The following DISC1 variants were observed in gnomAD, a reference collection of about 807,000 sequenced individuals.
The protein encoded by DISC1 is DISC1 scaffold protein, also known as disrupted in schizophrenia 1 protein.
DISC1 carries 57 observed loss-of-function variants against 84.5 expected under a neutral mutation model. That is an observed-to-expected ratio of 0.67 (90% confidence interval 0.55 to 0.84). The LOEUF (loss-of-function observed/expected upper bound fraction) is 0.84, where lower values mean the gene tolerates loss of function less well. DISC1 is among the 40% of genes least tolerant of loss of function. The pLI is 0.00. For missense variants in DISC1, 1,000 were observed against 1,057.8 expected (o/e 0.95, Z 0.76); for synonymous variants, 411 against 415.2 (o/e 0.99, Z 0.12).
intron 10 of DISC1, among the ~76,000 whole-genome samples, chr1:232,001,103 T>C (rs2480416): frequency 0.29 from 43,656 of 151,818 alleles, 6,524 homozygotes; most frequent in African/African-American, 0.34. Context: ...ATTTTTGAGA[T>C]AGAGTCTCAC....
At chr1:231,695,678 A>T (rs2065591784) in intron 2 of DISC1, among the ~76,000 whole-genome samples, 2 of 151,752 alleles carry the variant, frequency 1.3e-5, no homozygotes, top group African/African-American at 4.8e-5. Flanking sequence ...GTGTGCATGC[A>T]TGTGCGAGTG....
chr1:231,933,959 G>A (rs201804418), intron 9 of DISC1, among the ~76,000 whole-genome samples: 20 of 152,160 alleles, frequency 1.3e-4, no homozygotes, highest in Non-Finnish European at 2.8e-4. Flanking sequence ...TTCCTGGTCC[G>A]GGCTCCAGCA....
At chr1:231,719,604 G>A (rs1014747950) in intron 3 of DISC1, among the ~76,000 whole-genome samples, 2 of 152,144 alleles carry the variant, frequency 1.3e-5, no homozygotes, top group African/African-American at 4.8e-5. Flanking sequence ...ATGAGATGGT[G>A]CATGCTAAAT....
At chr1:231,779,614 G>A (rs2077233189) in intron 6 of DISC1, among the ~76,000 whole-genome samples, 1 of 140,768 alleles carries the variant, frequency 7.1e-6, no homozygotes, top group South Asian at 2.3e-4. Context: ...AGGCTGCAGT[G>A]CGGTGGTGCA....
At chr1:231,980,976 T>C (rs1294953874) in intron 10 of DISC1, among the ~76,000 whole-genome samples, 1 of 152,208 alleles carries the variant, frequency 6.6e-6, no homozygotes, top group Non-Finnish European at 1.5e-5. Context: ...AGATAGGGTC[T>C]TGCTCTGTCA....
At chr1:231,644,333 A>G (rs1262016032) in intron 1 of DISC1, among the ~76,000 whole-genome samples, 1 of 151,850 alleles carries the variant, frequency 6.6e-6, no homozygotes, top group Admixed American at 6.6e-5. Flanking sequence ...CTGGCCTTTC[A>G]CTTACCTTCC....
At chr1:231,747,868 A>G (rs1319412045) in intron 3 of DISC1, among the ~76,000 whole-genome samples, 2 of 152,106 alleles carry the variant, frequency 1.3e-5, no homozygotes, top group Non-Finnish European at 2.9e-5. Context: ...ATCCATCAGT[A>G]TGGGCTGTCT....
chr1:231,874,914 C>T, intron 9 of DISC1, among the ~76,000 whole-genome samples: 1 of 127,044 alleles, frequency 7.9e-6, no homozygotes, highest in Non-Finnish European at 1.6e-5. Flanking sequence ...GAGACTCCGT[C>T]TCAAAAAAAA....
chr1:231,933,976 T>C (rs1482050586), intron 9 of DISC1, among the ~76,000 whole-genome samples: 2 of 152,192 alleles, frequency 1.3e-5, no homozygotes, highest in African/African-American at 2.4e-5. Context: ...AGCAAAATTA[T>C]TGTTGTGAAC....
intron 1 of DISC1, among the ~76,000 whole-genome samples, chr1:231,662,963 C>T (rs114193673): frequency 0.016 from 2,441 of 152,118 alleles, 70 homozygotes; most frequent in African/African-American, 0.055. Context: ...TATTAGTAAT[C>T]GAGACTCTGT....
At chr1:231,643,542 G>A (rs970021563) in intron 1 of DISC1, among the ~76,000 whole-genome samples, 4 of 152,182 alleles carry the variant, frequency 2.6e-5, no homozygotes, top group Non-Finnish European at 4.4e-5. Flanking sequence ...AATTGACTGC[G>A]GTCAGATGTG....
chr1:231,666,329 A>G (rs1201806494), intron 1 of DISC1, among the ~76,000 whole-genome samples: 1 of 143,642 alleles, frequency 7.0e-6, no homozygotes, highest in Non-Finnish European at 1.5e-5. Flanking sequence ...AAAAAAAAAA[A>G]GCACAGTACG....
At chr1:231,662,446 C>A (rs904596245) in intron 1 of DISC1, among the ~76,000 whole-genome samples, 1 of 152,154 alleles carries the variant, frequency 6.6e-6, no homozygotes, top group Non-Finnish European at 1.5e-5. Context: ...CCCTTGTTGG[C>A]GTGGCTGAAG....
At chr1:231,909,716 T>C (rs1047654869) in intron 9 of DISC1, among the ~76,000 whole-genome samples, 4 of 152,252 alleles carry the variant, frequency 2.6e-5, no homozygotes, top group African/African-American at 9.6e-5. Context: ...TCCTTCTTTT[T>C]CTATTGATTG....
chr1:232,004,971 CCCTT>C (rs1422769094), intron 10 of DISC1, among the ~76,000 whole-genome samples: 1 of 102,362 alleles, frequency 9.8e-6, no homozygotes, highest in African/African-American at 4.2e-5. Context: ...CTTCCTTCTT[CCCTT>C]CCTTCCATCC....
At position 231,722,026 on chromosome 1, in the gene DISC1, A is replaced by G. The variant is rs2069819701; in HGVS notation, c.1117+20002A>G. Among the ~76,000 whole-genome samples the G allele has an allele frequency of 2.0e-5, 3 of 151,644 alleles. No individual in the cohort carries two copies. In the South Asian group the frequency reaches 6.2e-4, roughly 32 times the overall value. On this transcript the variant is annotated intron_variant, in intron 3 of 12. Transcript: ENST00000439617. ...AAATTAGCCGGGTGTGGTGGCGGGC[A>G]CCTGTAATCCCGGCTACTCGGGAGG...
intron 9 of DISC1, among the ~76,000 whole-genome samples, chr1:231,858,032 C>G (rs2084387800): frequency 6.6e-6 from 1 of 152,174 alleles, no homozygotes. Flanking sequence ...CAGTGGCTTG[C>G]CGGGCTAAAC....
intron 6 of DISC1, among the ~76,000 whole-genome samples, chr1:231,787,138 T>A (rs927399455): frequency 1.3e-5 from 2 of 152,162 alleles, no homozygotes; most frequent in Non-Finnish European, 2.9e-5. Flanking sequence ...AGGGACAGGA[T>A]CTGGAGAAAC....
chr1:231,641,582 G>A (rs963522366), intron 1 of DISC1, among the ~76,000 whole-genome samples: 6 of 152,218 alleles, frequency 3.9e-5, no homozygotes, highest in Admixed American at 1.3e-4. Flanking sequence ...AGGGACCGGA[G>A]AGGGTTGCCG....
Sources: allele counts gnomAD v4.1 joint callset (sites outside exome capture counted in the v4.1 genomes callset), GRCh38; gene constraint gnomAD v4.1.1; transcripts MANE v1.5; gene names NCBI Gene and HGNC (gene_info 2026-07-23, HGNC 2026-07-21).